Variants in LONRF3 observed in about 807,000 individuals in gnomAD.
LONRF3 encodes the protein LON peptidase N-terminal domain and ring finger 3.
LONRF3 carries 19 observed loss-of-function variants against 51.7 expected under a neutral mutation model. The ratio of observed to expected loss-of-function variants is 0.37; its 90% CI spans 0.26 to 0.54. The LOEUF (loss-of-function observed/expected upper bound fraction) is 0.54, where lower values mean the gene tolerates loss of function less well. Ranked by LOEUF, LONRF3 falls within the 20% of genes least tolerant of loss-of-function variation. LONRF3 has a pLI of 0.86. For missense variants in LONRF3, 521 were observed against 623.9 expected (o/e 0.84, Z 1.76); for synonymous variants, 265 against 257.8 (o/e 1.03, Z -0.27).
intron 5 of LONRF3, among the ~76,000 whole-genome samples, chrX:119,005,216 G>T (rs1014344567): frequency 1.8e-5 from 2 of 111,395 alleles, no homozygotes; most frequent in Non-Finnish European, 3.8e-5. Flanking sequence ...TTCCTGTGCT[G>T]CTCCTCTTGG....
chrX:118,978,529 C>A, intron 2 of LONRF3, 66 bp downstream of exon 2: 1 of 732,660 alleles, frequency 1.4e-6, no homozygotes, highest in Non-Finnish European at 2.1e-6. Flanking sequence ...GGAAGGGCTG[C>A]CTCCCTGGAG....
At position 118,982,954 on chromosome X, in the gene LONRF3, A is replaced by G; in HGVS notation, c.1059+11A>G. ...TGTGAAGCCCAAAGAGTGAGTTGAA[A>G]TGACATCAGGTCCAGCTGCCTACTG... On this transcript the variant is annotated intron_variant, in intron 3 of 10. Transcript: ENST00000371628. The G allele has an allele frequency of 8.3e-7, 1 of 1,206,686 alleles. No homozygotes were observed. The highest frequency in any genetic ancestry group is 1.1e-6 in the Non-Finnish European group (1 of 892,168).
intron 3 of LONRF3, chrX:118,987,111 A>T: frequency 8.9e-7 from 1 of 1,126,690 alleles, no homozygotes; most frequent in Non-Finnish European, 1.2e-6. Context: ...CTCGCTCGTG[A>T]CGCTTCGTTT....
At chrX:119,002,137 T>G (rs1924359916) in intron 5 of LONRF3, among the ~76,000 whole-genome samples, 1 of 112,371 alleles carries the variant, frequency 8.9e-6, no homozygotes, top group African/African-American at 3.2e-5. Context: ...TATAAATATG[T>G]TCTCTTAACA....
chrX:119,017,480 A>C (rs889997541), intron 10 of LONRF3, 55 bp from the exon 11 acceptor site: 39 of 1,141,840 alleles, frequency 3.4e-5, no homozygotes, highest in Middle Eastern at 5.8e-4. Context: ...GGAACTCTGC[A>C]GACTGATGTT....
At chrX:119,008,843 T>A (rs1924907371) in intron 6 of LONRF3, among the ~76,000 whole-genome samples, 1 of 112,005 alleles carries the variant, frequency 8.9e-6, no homozygotes, top group South Asian at 3.7e-4. Context: ...GATTTCAGTG[T>A]TTCAGAAAAA....
chrX:118,994,056 A>T (rs4825394), intron 5 of LONRF3, among the ~76,000 whole-genome samples: 52,702 of 110,982 alleles, frequency 0.47, 9,968 homozygotes, highest in African/African-American at 0.71. Context: ...TGGAAACACA[A>T]CAAAACAGAA....
chrX:119,016,687 A>T (rs1362248794), intron 10 of LONRF3, among the ~76,000 whole-genome samples: 1 of 111,587 alleles, frequency 9.0e-6, no homozygotes, highest in Non-Finnish European at 1.9e-5. Context: ...TTCTAATTGG[A>T]ATTTTTGCAA....
intron 1 of LONRF3, chrX:118,976,305 T>A (rs1922046486): frequency 8.8e-6 from 1 of 113,819 alleles, no homozygotes; most frequent in Admixed American, 9.2e-5. Flanking sequence ...GTAACTGAAG[T>A]GGGCCACCAC....
chrX:119,005,627 A>G (rs190805949), intron 5 of LONRF3, among the ~76,000 whole-genome samples: 5 of 112,156 alleles, frequency 4.5e-5, no homozygotes, highest in African/African-American at 1.6e-4. Context: ...CATTGCTTAG[A>G]CGAAAAGAGG....
intron 6 of LONRF3, among the ~76,000 whole-genome samples, chrX:119,007,258 G>A (rs1269751410): frequency 8.9e-6 from 1 of 111,943 alleles, no homozygotes; most frequent in Non-Finnish European, 1.9e-5. Context: ...AAGCCCTGAT[G>A]TTCCCTTATC....
intron 5 of LONRF3, among the ~76,000 whole-genome samples, chrX:118,998,672 TTTTA>T (rs1326888336): frequency 8.9e-6 from 1 of 112,398 alleles, no homozygotes; most frequent in African/African-American, 3.2e-5. Context: ...ACAAAAGTCT[TTTTA>T]TTTATTTCAT....
intron 10 of LONRF3, among the ~76,000 whole-genome samples, chrX:119,015,156 A>G (rs1488169574): frequency 9.0e-6 from 1 of 111,348 alleles, no homozygotes; most frequent in Non-Finnish European, 1.9e-5. Flanking sequence ...TCCTAACCAC[A>G]TATTTCCTCA....
chrX:119,002,525 A>T (rs1255598814), intron 5 of LONRF3, among the ~76,000 whole-genome samples: 1 of 111,684 alleles, frequency 9.0e-6, no homozygotes, highest in Non-Finnish European at 1.9e-5. Context: ...CAGTTCTCTT[A>T]TGGATGGATG....
intron 3 of LONRF3, chrX:118,986,836 A>T: frequency 1.2e-6 from 1 of 852,212 alleles, no homozygotes; most frequent in Non-Finnish European, 1.6e-6. Flanking sequence ...CTGCCCTGCA[A>T]GCTGGCTCCC....
intron 9 of LONRF3, 127 bp downstream of exon 9, chrX:119,013,328 C>A: frequency 1.5e-6 from 1 of 688,609 alleles, no homozygotes; most frequent in African/African-American, 2.2e-5. Context: ...ATTGCTGCAG[C>A]AACATTGAAT....
intron 3 of LONRF3, among the ~76,000 whole-genome samples, chrX:118,986,764 G>A (rs1603248509): frequency 9.0e-6 from 1 of 111,454 alleles, no homozygotes; most frequent in East Asian, 2.8e-4. Context: ...CCGCTGAAGC[G>A]AGGACCCCTG....
chrX:118,986,763 C>T (rs1194057804), intron 3 of LONRF3, among the ~76,000 whole-genome samples: 4 of 111,529 alleles, frequency 3.6e-5, no homozygotes, highest in Admixed American at 9.5e-5. Context: ...CCCGCTGAAG[C>T]GAGGACCCCT....
chrX:118,975,780 T>A (rs1921988399), intron 1 of LONRF3, among the ~76,000 whole-genome samples, 183 bp downstream of exon 1: 1 of 109,855 alleles, frequency 9.1e-6, no homozygotes, highest in South Asian at 4.1e-4. Context: ...TGTTCTGTTT[T>A]CACTGCTTAT....
Sources: allele counts gnomAD v4.1 joint callset (sites outside exome capture counted in the v4.1 genomes callset), GRCh38; gene constraint gnomAD v4.1.1; transcripts MANE v1.5; gene names NCBI Gene and HGNC (gene_info 2026-07-23, HGNC 2026-07-21).